The following OSBPL7 variants were observed in gnomAD, a reference collection of about 807,000 sequenced individuals.
The protein encoded by OSBPL7 is oxysterol binding protein like 7.
A neutral mutation model predicts 115.8 loss-of-function variants in OSBPL7; 66 were observed. That is an observed-to-expected ratio of 0.57 (90% CI 0.47 to 0.70). The LOEUF (loss-of-function observed/expected upper bound fraction) is 0.70. OSBPL7 is among the 30% of genes least tolerant of loss of function. OSBPL7 has a pLI of 0.00. For missense variants in OSBPL7, 902 were observed against 1,125.5 expected, an observed-to-expected ratio of 0.80 and a Z score of 2.84; for synonymous variants, 441 against 439.2, an observed-to-expected ratio of 1.00 and a Z score of -0.05.
Position 47,815,513 on chromosome 17 carries a change from G to A in OSBPL7, c.1120-161C>T, listed in dbSNP as rs56257415. On this transcript the variant is annotated intron_variant, in intron 12 of 22. Coordinates refer to ENST00000007414, the MANE Select transcript of OSBPL7 (RefSeq NM_145798.3). Reference sequence around the variant, plus strand: ...AGAAGAGGCAGAGAGGAGTGAGAGCGGGACAAAGGCATAGTAAAATGAGCC... The same window carrying A: ...AGAAGAGGCAGAGAGGAGTGAGAGCAGGACAAAGGCATAGTAAAATGAGCC... 7,903 of 858,556 alleles carry A rather than the reference G, an allele frequency of 9.2e-3. 62 individuals carry two copies. Among genetic ancestry groups the A allele is most frequent in the Non-Finnish European group, 0.012 (6,801 of 566,346 alleles). 53.2% of individuals were successfully genotyped at this position (858,556 alleles called of 1,614,324 possible). A position where few individuals can be genotyped will look rare whatever the true frequency, so the allele number is the denominator to read the frequency against.
chr17:47,817,988 G>A (rs547798642), intron 7 of OSBPL7, among the ~76,000 whole-genome samples: 9 of 152,246 alleles, frequency 5.9e-5, no homozygotes, highest in African/African-American at 9.6e-5. Flanking sequence ...CTTCCCTGGC[G>A]CTACTCCTCA....
chr17:47,812,203 C>T (rs1038252979), intron 16 of OSBPL7, among the ~76,000 whole-genome samples: 14 of 152,212 alleles, frequency 9.2e-5, no homozygotes, highest in Admixed American at 3.9e-4. Flanking sequence ...CAGTCTCTGT[C>T]CCCATCCTGT....
rs377042215 is a variant in OSBPL7 at position 47,808,989 on chromosome 17, G to A, written c.2172C>T (p.Asn724=). 1.4e-5 allele frequency: 22 copies of A among 1,613,980 alleles called. No homozygotes were observed. Among genetic ancestry groups the A allele is most frequent in the Admixed American group, 3.3e-5 (2 of 60,008 alleles). The change falls in exon 21 of 23, where the codon AAC becomes AAT. Residue 724 remains asparagine (N), a splice_region_variant and synonymous_variant. Transcript: ENST00000007414. The surrounding 1 kb of genome is among the most constrained non-coding windows in gnomAD (Gnocchi z 6.1). ...TTCGCTCATGGTCGGGGGGCATTGA[G>A]TCTGGGGGAAGGCAAGGGGCTGGGG... ...TPGGQCIWKP[N]SMPPDHERNF...
rs1443088083 is a variant in OSBPL7 at position 47,807,506 on chromosome 17, C to T, written c.*785G>A. 6.6e-6 allele frequency: 1 copy of T among 152,622 alleles called. No homozygotes were observed. Among genetic ancestry groups the T allele is most frequent in the Admixed American group, 6.5e-5 (1 of 15,278 alleles). The allele number at this position is 152,622 out of a possible 1,614,324, so 9.5% of individuals were successfully genotyped here. A position where few individuals can be genotyped will look rare whatever the true frequency, so the allele number is the denominator to read the frequency against. On this transcript the variant is annotated 3_prime_UTR_variant, in exon 23 of 23. Transcript: ENST00000007414. ...GGGCTACATGAGGGAGCCCTGCTTG[C>T]CTGCAAGCAGGGCACAGGCGCACAC...
intron 8 of OSBPL7, 152 bp downstream of exon 8, chr17:47,817,104 A>G (rs1380940026): frequency 5.7e-6 from 4 of 707,552 alleles, no homozygotes; most frequent in Non-Finnish European, 9.6e-6. Flanking sequence ...CAATCTTGAT[A>G]CAGTTTGGAC....
intron 4 of OSBPL7, 100 bp from the exon 5 acceptor site, chr17:47,819,199 G>T: frequency 1.1e-6 from 1 of 946,816 alleles, no homozygotes; most frequent in Non-Finnish European, 1.7e-6. Flanking sequence ...TCAAGGGCCA[G>T]GTGGCAGGTT....
chr17:47,809,162 C>T lies in OSBPL7; in HGVS notation c.2084G>A (p.Gly695Asp). ...EVQGAVLSRS[G>D]RVLHRLFGKW... ...CCCAAAGAGTCGGTGGAGGACACGG[C>T]CACTCCGACTGAGCACAGCGCCCTG... is the stretch of plus-strand genomic sequence containing the variant. The change falls in exon 20 of 23, where the codon GGC becomes GAC. Residue 695 changes from glycine to aspartate, a missense_variant. Physicochemically the swap from Gly to Asp is moderately conservative, Grantham distance 94. Around this residue, in one of 3 missense-constraint regions of OSBPL7, gnomAD observed 230 missense variants for 312.7 expected, o/e 0.74. Coordinates refer to ENST00000007414, the MANE Select transcript of OSBPL7 (RefSeq NM_145798.3). The T allele has an allele frequency of 6.2e-7, 1 of 1,614,178 alleles. No individual in the cohort carries two copies. The highest frequency in any genetic ancestry group is 8.5e-7 in the Non-Finnish European group (1 of 1,180,036).
chr17:47,808,662 T>C lies in OSBPL7; in HGVS notation c.2298-2A>G. On this transcript the variant is annotated splice_acceptor_variant, in intron 21 of 22. Coordinates refer to ENST00000007414, the MANE Select transcript of OSBPL7 (RefSeq NM_145798.3). LOFTEE classifies it high-confidence loss of function. This position sits in a 1 kb window ranked among gnomAD's most constrained non-coding sequence, Gnocchi z 6.1. ...TGTATGTTCCCCTCCTCCAGGTACC[T>C]GAGGATCCAGATCAAACTCAGGGGA... is the stretch of plus-strand genomic sequence containing the variant. 6.2e-7 allele frequency: 1 copy of C among 1,614,098 alleles called. No homozygotes were observed. Among genetic ancestry groups the C allele is most frequent in the Non-Finnish European group, 8.5e-7 (1 of 1,179,992 alleles).
At position 47,814,569 on chromosome 17, in the gene OSBPL7, G is replaced by A; in HGVS notation, c.1303C>T (p.Leu435=). ...ESCTSEITTS[L]SEEMLDLRGA... is the part of the protein sequence containing the mutation. ...CTGAGGTCCAGCATCTCCTCAGACA[G>A]GCTGGTGGTGATTTCACTGGTACAG... Residue 435 remains leucine, a synonymous_variant, in exon 14 of 23, where the codon CTG becomes TTG. Transcript: ENST00000007414. 6.4e-7 allele frequency: 1 copy of A among 1,571,922 alleles called. No individual in the cohort carries two copies. The highest frequency in any genetic ancestry group is 2.4e-5 in the East Asian group (1 of 41,464).
chr17:47,811,848 A>G (rs2033052333), intron 16 of OSBPL7, among the ~76,000 whole-genome samples: 1 of 152,240 alleles, frequency 6.6e-6, no homozygotes, highest in Non-Finnish European at 1.5e-5. Flanking sequence ...CACCTTAAAA[A>G]ATAGTAAATC....
At position 47,818,524 on chromosome 17, in the gene OSBPL7, G is replaced by A. The variant is rs149821614; in HGVS notation, c.462C>T (p.Pro154=). Residue 154 remains proline, a synonymous_variant, in exon 6 of 23, where the codon CCC becomes CCT. Coordinates refer to ENST00000007414, the MANE Select transcript of OSBPL7 (RefSeq NM_145798.3). Reference sequence around the variant, plus strand: ...ACCTTACCTTCCGGTGAGCAGTACTGGGCAGTGAGCCACGGGGCATGTCCA... The same window carrying A: ...ACCTTACCTTCCGGTGAGCAGTACTAGGCAGTGAGCCACGGGGCATGTCCA... ...HRLDMPRGSL[P]STAHRKVPGA... 1.9e-5 allele frequency: 31 copies of A among 1,607,724 alleles called. No homozygotes were observed. Among genetic ancestry groups the A allele is most frequent in the Non-Finnish European group, 2.3e-5 (27 of 1,176,950 alleles).
In OSBPL7 at chr17:47,820,215, T is replaced by C; in HGVS notation, c.64A>G (p.Ser22Gly). 6.2e-7 allele frequency: 1 copy of C among 1,614,052 alleles called. No individual in the cohort carries two copies. The highest frequency in any genetic ancestry group is 1.1e-5 in the South Asian group (1 of 91,068). Reference sequence around the variant, plus strand: ...TCCCACTCTCTGACCTGCTGAGCACTGCTGGGCTTTGAGGACTGAGCGCTC... The same window carrying C: ...TCCCACTCTCTGACCTGCTGAGCACCGCTGGGCTTTGAGGACTGAGCGCTC... The part of the protein sequence containing the change: ...PESAQSSKPS[S>G]AQQASELWEV... Residue 22 changes from serine to glycine, a missense_variant, in exon 2 of 23, where the codon AGT becomes GGT. Coordinates refer to ENST00000007414, the MANE Select transcript of OSBPL7 (RefSeq NM_145798.3).
At chr17:47,812,178 A>C (rs2033063874) in intron 16 of OSBPL7, among the ~76,000 whole-genome samples, 1 of 151,986 alleles carries the variant, frequency 6.6e-6, no homozygotes, top group Non-Finnish European at 1.5e-5. Flanking sequence ...CCTACACTCT[A>C]CACCCTCTGT....
rs2033125170 is a variant in OSBPL7, at chr17:47,813,800, G to A, written c.1386C>T (p.Pro462=). The A allele has an allele frequency of 6.2e-7, 1 of 1,612,148 alleles. No individual in the cohort carries two copies. The highest frequency in any genetic ancestry group is 8.5e-7 in the Non-Finnish European group (1 of 1,179,670). Residue 462 remains proline (P), a synonymous_variant, in exon 15 of 23, where the codon CCC becomes CCT. Coordinates refer to ENST00000007414, the MANE Select transcript of OSBPL7 (RefSeq NM_145798.3). The part of the protein sequence containing the change: ...GCVPGRPMGP[P]RRRCLPAASG... ...TGGCCGCCGGCAGGCAGCGACGGCG[G>A]GGTGGCCCCATGGGTCTCCCTGGAA...
chr17:47,808,201 G>A lies in OSBPL7; in HGVS notation c.*90C>T. 9.9e-7 allele frequency: 1 copy of A among 1,005,940 alleles called. No homozygotes were observed. Among genetic ancestry groups the A allele is most frequent in the Non-Finnish European group, 1.5e-6 (1 of 666,624 alleles). 62.3% of individuals were successfully genotyped at this position (1,005,940 alleles called of 1,614,324 possible). ...CCCCTTTGGTCTCAAGGGCAGTGAG[G>A]CGGGGAGCCCGGCCTCACCCATGTG... On this transcript the variant is annotated 3_prime_UTR_variant, in exon 23 of 23. Transcript: ENST00000007414. This position sits in a 1 kb window ranked among gnomAD's most constrained non-coding sequence, Gnocchi z 6.1.
At chr17:47,812,571 C>T (rs60781114) in intron 16 of OSBPL7, among the ~76,000 whole-genome samples, 2,456 of 152,324 alleles carry the variant, frequency 0.016, 62 homozygotes, top group African/African-American at 0.056. Context: ...CCAGACTTCT[C>T]CCTCTCAACA....
intron 15 of OSBPL7, 53 bp downstream of exon 15, chr17:47,813,534 C>A (rs2033111017): frequency 6.3e-7 from 1 of 1,587,958 alleles, no homozygotes; most frequent in African/African-American, 1.3e-5. Context: ...GAGAAAAGAT[C>A]CCAGGGAGAA....
Position 47,807,942 on chromosome 17 carries a change from T to A in OSBPL7, c.*349A>T, listed in dbSNP as rs2032906068. 3.3e-6 allele frequency: 1 copy of A among 298,742 alleles called. No individual in the cohort carries two copies. Among genetic ancestry groups the A allele is most frequent in the African/African-American group, 2.1e-5 (1 of 47,218 alleles). The allele number at this position is 298,742 out of a possible 1,614,324, so 18.5% of individuals were successfully genotyped here. ...CTGGGGAGCGTCAAGGAGTCCCCTG[T>A]GTCCTAGGAAGGCACTGAAATAGGG... On this transcript the variant is annotated 3_prime_UTR_variant, in exon 23 of 23. Coordinates refer to ENST00000007414, the MANE Select transcript of OSBPL7 (RefSeq NM_145798.3).
intron 16 of OSBPL7, among the ~76,000 whole-genome samples, chr17:47,812,242 G>A (rs1024512326): frequency 3.9e-5 from 6 of 152,158 alleles, no homozygotes; most frequent in African/African-American, 1.2e-4. Flanking sequence ...GCAGGAAGCC[G>A]ATGACACCCC....
Sources: gnomAD v4.1 joint callset for allele counts (sites outside exome capture counted in the v4.1 genomes callset) on GRCh38, gnomAD v4.1.1 for gene constraint, gnomAD v4.1.1 regional missense constraint, Gnocchi (gnomAD v3.1) non-coding constraint, MANE v1.5 for transcripts, NCBI Gene and HGNC (gene_info 2026-07-23, HGNC 2026-07-21) for gene names.